UBE2R2: variants seen among roughly 807,000 people sequenced by gnomAD.
UBE2R2 encodes the protein ubiquitin-conjugating enzyme E2 R2.
A neutral mutation model predicts 27.8 loss-of-function variants in UBE2R2; 1 was observed. The ratio of observed to expected loss-of-function variants is 0.04; its 90% CI spans 0.01 to 0.17. The LOEUF is 0.17. Among genes scored for constraint, UBE2R2 ranks in the 10% least tolerant of loss-of-function variants. UBE2R2 has a pLI of 1.00. For missense variants in UBE2R2, 100 were observed against 291.0 expected (o/e 0.34, Z 4.78); for synonymous variants, 106 against 113.3 (o/e 0.94, Z 0.41).
chr9:33,875,626 T>A (rs142302995), intron 1 of UBE2R2, among the ~76,000 whole-genome samples: 155 of 152,314 alleles, frequency 1.0e-3, no homozygotes, highest in African/African-American at 3.6e-3. Context: ...AAAATTTGTA[T>A]ATGATCCTCA....
At chr9:33,827,450 G>A (rs1260079415) in intron 1 of UBE2R2, among the ~76,000 whole-genome samples, 1 of 152,146 alleles carries the variant, frequency 6.6e-6, no homozygotes, top group Non-Finnish European at 1.5e-5. Context: ...GCACCAGCCT[G>A]GTCAACATGG....
Position 33,910,274 on chromosome 9 carries a change from G to A in UBE2R2, c.363-1690G>A, listed in dbSNP as rs143004724. On this transcript the variant is annotated intron_variant, in intron 3 of 4. Transcript: ENST00000263228. ...ATTCTCTTGCCTGTCTCAGCCTCCCGAGTAGCTGGGATTACAGGCGCCTGC... is the reference window on the plus strand; with the variant it reads ...ATTCTCTTGCCTGTCTCAGCCTCCCAAGTAGCTGGGATTACAGGCGCCTGC... Among the ~76,000 whole-genome samples the A allele has an allele frequency of 5.9e-3, 896 of 152,036 alleles. 7 individuals carry two copies. Among genetic ancestry groups the A allele is most frequent in the African/African-American group, 0.02 (847 of 41,450 alleles).
At position 33,817,633 on chromosome 9, in the gene UBE2R2, T is replaced by G; in HGVS notation, c.-125T>G. The G allele has an allele frequency of 1.8e-6, 2 of 1,087,540 alleles. No individual in the cohort carries two copies. Among genetic ancestry groups the G allele is most frequent in the Non-Finnish European group, 2.2e-6 (2 of 891,812 alleles). 67.4% of individuals were successfully genotyped at this position (1,087,540 alleles called of 1,614,324 possible). ...GGGGCCTGGTCTGGCCCGCCGGGTG[T>G]GTGAAGACCGGGGCCCGGTGCTGCC... On this transcript the variant is annotated 5_prime_UTR_variant, in exon 1 of 5. Coordinates refer to ENST00000263228, the MANE Select transcript of UBE2R2 (RefSeq NM_017811.4).
rs200210705 is a variant in UBE2R2, at chr9:33,826,628, CGG to C, written c.177+8695_177+8696del. ...CAGGAGAATGGCTTGAATCCAGAGG[CGG>C]AGAGGTTGCAGTGAGCTGAGATCAC... On this transcript the variant is annotated intron_variant, in intron 1 of 4. Transcript: ENST00000263228. Among the ~76,000 whole-genome samples the C allele has an allele frequency of 4.3e-3, 536 of 124,024 alleles. 8 individuals carry two copies. Among genetic ancestry groups the C allele is most frequent in the African/African-American group, 0.016 (503 of 31,268 alleles). 81.4% of individuals were successfully genotyped at this position (124,024 alleles called of 152,430 possible).
chr9:33,903,049 G>C (rs1013475161), intron 3 of UBE2R2, among the ~76,000 whole-genome samples: 2 of 151,936 alleles, frequency 1.3e-5, no homozygotes, highest in African/African-American at 4.8e-5. Context: ...CGGTGAGCCA[G>C]GATCGTGCCA....
intron 1 of UBE2R2, among the ~76,000 whole-genome samples, chr9:33,864,929 T>C (rs1587454599): frequency 6.6e-6 from 1 of 152,124 alleles, no homozygotes; most frequent in South Asian, 2.1e-4. Flanking sequence ...TTCGCTGTGT[T>C]GGCTGGCTGG....
intron 3 of UBE2R2, among the ~76,000 whole-genome samples, chr9:33,909,006 T>TTAAA (rs138047093): frequency 3.2e-4 from 48 of 150,268 alleles, no homozygotes; most frequent in African/African-American, 8.8e-4. Flanking sequence ...GACCCTGTCT[T>TTAAA]TAAATAAATA....
At chr9:33,867,159 A>G (rs1440254494) in intron 1 of UBE2R2, among the ~76,000 whole-genome samples, 1 of 152,072 alleles carries the variant, frequency 6.6e-6, no homozygotes, top group Non-Finnish European at 1.5e-5. Flanking sequence ...AAGTGCTGGG[A>G]TTACAAGCGT....
chr9:33,905,711 T>G (rs1319992597), intron 3 of UBE2R2, among the ~76,000 whole-genome samples: 1 of 152,230 alleles, frequency 6.6e-6, no homozygotes, highest in Non-Finnish European at 1.5e-5. Flanking sequence ...ATAACAGGCT[T>G]CTTTATTCTT....
At chr9:33,839,648 C>G (rs555737538) in intron 1 of UBE2R2, among the ~76,000 whole-genome samples, 1 of 152,274 alleles carries the variant, frequency 6.6e-6, no homozygotes, top group African/African-American at 2.4e-5. Context: ...TTACTAGACT[C>G]CAGATTTGTT....
intron 3 of UBE2R2, among the ~76,000 whole-genome samples, chr9:33,906,758 C>T (rs1822366851): frequency 6.6e-6 from 1 of 152,098 alleles, no homozygotes; most frequent in South Asian, 2.1e-4. Context: ...TTCTTTAGGC[C>T]AGGCGCAGTG....
In UBE2R2 at chr9:33,886,961, T is replaced by C. The variant is rs1172467404; in HGVS notation, c.258T>C (p.Ile86=). The C allele has an allele frequency of 6.9e-6, 11 of 1,599,364 alleles. No homozygotes were observed. Among genetic ancestry groups the C allele is most frequent in the Non-Finnish European group, 8.5e-6 (10 of 1,176,464 alleles). Residue 86 remains isoleucine (I), a synonymous_variant, in exon 2 of 5, where the codon ATT becomes ATC. Coordinates refer to ENST00000263228, the MANE Select transcript of UBE2R2 (RefSeq NM_017811.4). ...RFLTKMWHPN[I]YENGDVCISI... ...TGACCAAAATGTGGCACCCCAACAT[T>C]TATGAGGTAAGGAGACATCCATCAT...
chr9:33,894,242 G>A (rs1822049803), intron 2 of UBE2R2, among the ~76,000 whole-genome samples: 1 of 151,832 alleles, frequency 6.6e-6, no homozygotes, highest in South Asian at 2.1e-4. Context: ...GACCAGCCTG[G>A]GCAACATAGC....
Position 33,845,466 on chromosome 9 carries a change from T to C in UBE2R2, c.177+27532T>C. Among the ~76,000 whole-genome samples the C allele has an allele frequency of 1.3e-5, 2 of 151,902 alleles. 1 individual carries two copies. The highest frequency in any genetic ancestry group is 2.9e-5 in the Non-Finnish European group (2 of 67,972). ...GGTTTCACTGTGTTAGCCAGAATGA[T>C]CTTGATCTCCTGACCTCGTGATCTG... On this transcript the variant is annotated intron_variant, in intron 1 of 4. Coordinates refer to ENST00000263228, the MANE Select transcript of UBE2R2 (RefSeq NM_017811.4).
At chr9:33,837,420 CTTTT>C (rs374681097) in intron 1 of UBE2R2, among the ~76,000 whole-genome samples, 7 of 126,634 alleles carry the variant, frequency 5.5e-5, no homozygotes, top group Admixed American at 8.3e-5. Flanking sequence ...GCTGCTGCTT[CTTTT>C]TTTTTTTTTT....
intron 1 of UBE2R2, among the ~76,000 whole-genome samples, chr9:33,855,700 T>C (rs1821085849): frequency 6.6e-6 from 1 of 152,192 alleles, no homozygotes; most frequent in African/African-American, 2.4e-5. Context: ...TTTAAAATTA[T>C]AATCTACCAG....
Position 33,918,915 on chromosome 9 carries a change from C to CCAAA in UBE2R2, c.*1681_*1684dup, listed in dbSNP as rs1252871412. Reference sequence around the variant, plus strand: ...CTCAGGGTTTTCACTCTTCAAACTCCCAAACACATGACTTCTTCCCAGCAG... The same window carrying CCAAA: ...CTCAGGGTTTTCACTCTTCAAACTCCCAAACAAACACATGACTTCTTCCCAGCAG... On this transcript the variant is annotated 3_prime_UTR_variant, in exon 5 of 5. Transcript: ENST00000263228. The CCAAA allele has an allele frequency of 2.6e-5, 4 of 153,208 alleles. No homozygotes were observed. Among genetic ancestry groups the CCAAA allele is most frequent in the Admixed American group, 6.5e-5 (1 of 15,272 alleles). 9.5% of individuals were successfully genotyped at this position (153,208 alleles called of 1,614,324 possible). A position where few individuals can be genotyped will look rare whatever the true frequency, so the allele number is the denominator to read the frequency against.
At chr9:33,832,362 A>T (rs1820511021) in intron 1 of UBE2R2, among the ~76,000 whole-genome samples, 1 of 150,560 alleles carries the variant, frequency 6.6e-6, no homozygotes, top group Non-Finnish European at 1.5e-5. Flanking sequence ...TTGAACTTTA[A>T]TCAAATTTTT....
At chr9:33,896,606 A>G (rs77029563) in intron 2 of UBE2R2, among the ~76,000 whole-genome samples, 1 of 139,482 alleles carries the variant, frequency 7.2e-6, no homozygotes, top group Non-Finnish European at 1.6e-5. Context: ...ATGACTGGCT[A>G]TTTTTTTTTT....
Sources: gnomAD v4.1 joint callset for allele counts (sites outside exome capture counted in the v4.1 genomes callset) on GRCh38, gnomAD v4.1.1 for gene constraint, MANE v1.5 for transcripts, NCBI Gene and HGNC (gene_info 2026-07-23, HGNC 2026-07-21) for gene names.